CCDC148: variants seen among roughly 807,000 people sequenced by gnomAD.
The protein encoded by CCDC148 is coiled-coil domain-containing protein 148.
A neutral mutation model predicts 85.7 loss-of-function variants in CCDC148; 89 were observed. The ratio of observed to expected loss-of-function variants is 1.04; its 90% CI spans 0.87 to 1.24. The LOEUF (loss-of-function observed/expected upper bound fraction) is 1.24. Among genes scored for constraint, CCDC148 ranks in the 50% most tolerant of loss-of-function variants. The pLI, the probability that CCDC148 is intolerant of heterozygous loss-of-function variation, is 0.00. For synonymous variants in CCDC148, 230 were observed against 213.9 expected (o/e 1.08, Z -0.66); for missense variants, 692 against 671.7 (o/e 1.03, Z -0.33).
At chr2:158,289,901 G>A (rs967308805) in intron 9 of CCDC148, among the ~76,000 whole-genome samples, 3 of 152,128 alleles carry the variant, frequency 2.0e-5, no homozygotes, top group Non-Finnish European at 2.9e-5. Flanking sequence ...CACACAGTAC[G>A]GTAACATACT....
intron 9 of CCDC148, among the ~76,000 whole-genome samples, chr2:158,287,911 T>C (rs1310925593): frequency 2.6e-5 from 4 of 152,216 alleles, no homozygotes; most frequent in East Asian, 1.9e-4. Context: ...CCCACCCCTG[T>C]AGCAAACTTT....
rs559507915 is a variant in CCDC148 at position 158,241,316 on chromosome 2, T to C, written c.1251+9456A>G. On this transcript the variant is annotated intron_variant, in intron 10 of 13. Transcript: ENST00000283233. Reference sequence around the variant, plus strand: ...AACAAACTCTATATAGTTCATTTTATATTTTTAGTTTTTCTCTATTAACTC... The same window carrying C: ...AACAAACTCTATATAGTTCATTTTACATTTTTAGTTTTTCTCTATTAACTC... Among the ~76,000 whole-genome samples the C allele has an allele frequency of 2.6e-5, 4 of 152,346 alleles. No individual in the cohort carries two copies. The South Asian group carries it at 8.3e-4, about 32-fold the overall frequency.
At chr2:158,204,889 C>T (rs1686158497) in intron 11 of CCDC148, among the ~76,000 whole-genome samples, 2 of 152,188 alleles carry the variant, frequency 1.3e-5, no homozygotes, top group Non-Finnish European at 2.9e-5. Flanking sequence ...GTAGAAGAAA[C>T]ATCCATCTGA....
At chr2:158,423,751 A>G (rs1286635494) in intron 1 of CCDC148, among the ~76,000 whole-genome samples, 1 of 152,236 alleles carries the variant, frequency 6.6e-6, no homozygotes, top group Non-Finnish European at 1.5e-5. Flanking sequence ...CTGCACAGCA[A>G]AAGAAACTAC....
chr2:158,254,985 CAA>C (rs58809618), intron 9 of CCDC148, among the ~76,000 whole-genome samples: 6,677 of 131,074 alleles, frequency 0.051, 451 homozygotes, highest in African/African-American at 0.16. Flanking sequence ...TTCTTTTCTC[CAA>C]AAAAAAAAAA....
chr2:158,397,859 C>T (rs1685597640), intron 1 of CCDC148, among the ~76,000 whole-genome samples: 1 of 152,094 alleles, frequency 6.6e-6, no homozygotes, highest in African/African-American at 2.4e-5. Flanking sequence ...AGTCAAGACC[C>T]ATCAGTGTGC....
At chr2:158,179,961 G>A (rs906994340) in intron 11 of CCDC148, among the ~76,000 whole-genome samples, 2 of 152,108 alleles carry the variant, frequency 1.3e-5, no homozygotes, top group Non-Finnish European at 2.9e-5. Context: ...GAGCTCCTTG[G>A]CCCTCCTCTG....
intron 7 of CCDC148, among the ~76,000 whole-genome samples, chr2:158,315,095 A>G (rs1692219448): frequency 6.6e-6 from 1 of 152,258 alleles, no homozygotes; most frequent in South Asian, 2.1e-4. Flanking sequence ...GGAATACTCT[A>G]AAGTTCTTCA....
intron 1 of CCDC148, among the ~76,000 whole-genome samples, chr2:158,433,896 G>A (rs1053576446): frequency 2.0e-5 from 3 of 152,214 alleles, no homozygotes; most frequent in African/African-American, 4.8e-5. Context: ...ATCTGAGATC[G>A]AACCGCAAGG....
In CCDC148 at chr2:158,432,697, C is replaced by T. The variant is rs116000179; in HGVS notation, c.25+23718G>A. On this transcript the variant is annotated intron_variant, in intron 1 of 13. Transcript: ENST00000283233. ...AATATCAATCCAATACAAACTCTTT[C>T]AGAAATTAAAGGAGAAAAGAACACA... Among the ~76,000 whole-genome samples the T allele has an allele frequency of 4.2e-3, 639 of 152,126 alleles. 6 individuals are homozygous for T. Among genetic ancestry groups the T allele is most frequent in the African/African-American group, 0.014 (566 of 41,502 alleles).
At chr2:158,331,965 G>A (rs1480942523) in intron 7 of CCDC148, among the ~76,000 whole-genome samples, 1 of 152,092 alleles carries the variant, frequency 6.6e-6, no homozygotes, top group Non-Finnish European at 1.5e-5. Flanking sequence ...TATCCAATTT[G>A]CCAGTCTGTG....
rs149627578 is a variant in CCDC148 at position 158,430,248 on chromosome 2, T to C, written c.25+26167A>G. Among the ~76,000 whole-genome samples the C allele has an allele frequency of 1.8e-3, 275 of 152,244 alleles. 1 individual carries two copies. Among genetic ancestry groups the C allele is most frequent in the African/African-American group, 6.2e-3 (259 of 41,552 alleles). On this transcript the variant is annotated intron_variant, in intron 1 of 13. Coordinates refer to ENST00000283233, the MANE Select transcript of CCDC148 (RefSeq NM_138803.4). Reference sequence around the variant, plus strand: ...ACCTCAGGAGCCTTAGGAGGAAAACTGAAATTTGTTAGAGTAAAGGCAACT... The same window carrying C: ...ACCTCAGGAGCCTTAGGAGGAAAACCGAAATTTGTTAGAGTAAAGGCAACT...
chr2:158,174,906 GC>G (rs1035443807), intron 13 of CCDC148, among the ~76,000 whole-genome samples: 10 of 152,088 alleles, frequency 6.6e-5, no homozygotes, highest in African/African-American at 2.2e-4. Context: ...CTGTTATGGG[GC>G]ACATGACTGT....
At chr2:158,282,102 A>G (rs1273932657) in intron 9 of CCDC148, among the ~76,000 whole-genome samples, 12 of 151,658 alleles carry the variant, frequency 7.9e-5, no homozygotes, top group Non-Finnish European at 1.3e-4. Context: ...AACTCTCAAT[A>G]AATTAGGTAT....
intron 9 of CCDC148, among the ~76,000 whole-genome samples, chr2:158,309,035 TCTC>T (rs1372482123): frequency 6.6e-6 from 1 of 152,148 alleles, no homozygotes; most frequent in African/African-American, 2.4e-5. Flanking sequence ...AAGCCTCTCT[TCTC>T]CTCCTCATTT....
At chr2:158,191,734 C>A (rs925013235) in intron 11 of CCDC148, among the ~76,000 whole-genome samples, 4 of 151,978 alleles carry the variant, frequency 2.6e-5, no homozygotes, top group African/African-American at 7.2e-5. Flanking sequence ...TCACACCTAC[C>A]TTAGCAGTTT....
chr2:158,439,490 G>T (rs112801291), intron 1 of CCDC148, among the ~76,000 whole-genome samples: 17 of 152,162 alleles, frequency 1.1e-4, no homozygotes, highest in South Asian at 2.1e-4. Flanking sequence ...GTGGCGGCAG[G>T]GGGGAGAGAT....
At chr2:158,188,147 T>C (rs1374865014) in intron 11 of CCDC148, among the ~76,000 whole-genome samples, 1 of 151,924 alleles carries the variant, frequency 6.6e-6, no homozygotes, top group Non-Finnish European at 1.5e-5. Context: ...TCCACTCCAA[T>C]CCAAAAGCAG....
chr2:158,251,982 A>T (rs62174760), intron 9 of CCDC148, among the ~76,000 whole-genome samples: 7,485 of 151,822 alleles, frequency 0.049, 265 homozygotes, highest in Non-Finnish European at 0.07. Context: ...TAAGCAGGAA[A>T]CCAATGAAAC....
Sources: allele counts gnomAD v4.1 joint callset (sites outside exome capture counted in the v4.1 genomes callset), GRCh38; gene constraint gnomAD v4.1.1; transcripts MANE v1.5; gene names NCBI Gene and HGNC (gene_info 2026-07-23, HGNC 2026-07-21).